CSMD2: variants seen among roughly 807,000 people sequenced by gnomAD.
The protein encoded by CSMD2 is CUB and sushi domain-containing protein 2.
A neutral mutation model predicts 398.5 loss-of-function variants in CSMD2; 130 were observed. The ratio of observed to expected loss-of-function variants is 0.33; its 90% CI spans 0.28 to 0.38. The LOEUF is 0.38. Ranked by LOEUF, CSMD2 falls within the 10% of genes least tolerant of loss-of-function variation. The probability of loss-of-function intolerance (pLI) is 1.00; values close to 1 mark genes in which losing one functional copy is unlikely to be tolerated. For synonymous variants in CSMD2, 1,828 were observed against 1,908.5 expected, an observed-to-expected ratio of 0.96 and a Z score of 1.10; for missense variants, 3,829 against 4,764.9, an observed-to-expected ratio of 0.80 and a Z score of 5.78.
chr1:33,961,711 T>C (rs1645366635), intron 3 of CSMD2, among the ~76,000 whole-genome samples: 3 of 152,140 alleles, frequency 2.0e-5, no homozygotes. Context: ...GTTCACGCAG[T>C]TGATCGTTTA....
intron 70 of CSMD2, among the ~76,000 whole-genome samples, chr1:33,516,905 GA>G (rs3043317): frequency 0.2 from 29,557 of 149,818 alleles, 3,042 homozygotes; most frequent in East Asian, 0.4. Flanking sequence ...AAAATCAGAT[GA>G]AAAAAAAAAA....
Position 33,622,274 on chromosome 1 carries a change from A to G in CSMD2, c.5723-3T>C. 1 of 1,611,034 alleles carries G rather than the reference A, an allele frequency of 6.2e-7. No individual in the cohort carries two copies. The highest frequency in any genetic ancestry group is 8.5e-7 in the Non-Finnish European group (1 of 1,177,252). ...CAGAAGGGCAGGCACGGTTGTTCCT[A>G]GGGCAAGGACACCAGGGAAAACCAT... On this transcript the variant is annotated splice_polypyrimidine_tract_variant and splice_region_variant and intron_variant, in intron 36 of 70. Transcript: ENST00000373381.
At chr1:33,789,597 G>T (rs1653982271) in intron 11 of CSMD2, among the ~76,000 whole-genome samples, 1 of 152,352 alleles carries the variant, frequency 6.6e-6, no homozygotes, top group South Asian at 2.1e-4. Flanking sequence ...GAGGCAGGGG[G>T]TTGTGGAGTG....
intron 5 of CSMD2, among the ~76,000 whole-genome samples, chr1:33,890,521 T>C (rs1641933067): frequency 6.6e-6 from 1 of 152,208 alleles, no homozygotes; most frequent in South Asian, 2.1e-4. Context: ...TGAGACACCG[T>C]GCCCTGCCTA....
At chr1:33,782,609 G>T (rs113008543) in intron 12 of CSMD2, among the ~76,000 whole-genome samples, 14 of 152,318 alleles carry the variant, frequency 9.2e-5, no homozygotes, top group African/African-American at 2.9e-4. Flanking sequence ...GCACTAGGAA[G>T]GTGGTAAAGT....
In CSMD2 at chr1:33,779,317, G is replaced by A. The variant is rs140241459; in HGVS notation, c.1664-6566C>T. ...AGAGCTCTGGGATCACAAAGTCCAG[G>A]ATCTAAATCCTGGCTCTGATACTAA... On this transcript the variant is annotated intron_variant, in intron 12 of 70. Transcript: ENST00000373381. Among the ~76,000 whole-genome samples the A allele has an allele frequency of 3.5e-4, 53 of 152,256 alleles. 1 individual carries two copies. In the East Asian group the frequency reaches 9.8e-3, roughly 28 times the overall value.
intron 22 of CSMD2, among the ~76,000 whole-genome samples, chr1:33,704,387 T>C (rs755004406): frequency 6.6e-6 from 1 of 152,216 alleles, no homozygotes; most frequent in Non-Finnish European, 1.5e-5. Context: ...ACTATTGATC[T>C]TGTTCTTGAC....
At chr1:33,680,655 G>C (rs1285413541) in intron 25 of CSMD2, among the ~76,000 whole-genome samples, 1 of 152,010 alleles carries the variant, frequency 6.6e-6, no homozygotes, top group Non-Finnish European at 1.5e-5. Flanking sequence ...CTGTAACCTT[G>C]ATCTGCTCCA....
At chr1:33,993,617 T>C (rs1646632785) in intron 3 of CSMD2, among the ~76,000 whole-genome samples, 2 of 152,196 alleles carry the variant, frequency 1.3e-5, no homozygotes, top group Admixed American at 6.5e-5. Context: ...CCAGCCACCA[T>C]CTTGCTTTGC....
chr1:33,655,283 AG>A (rs1643913672), intron 27 of CSMD2, among the ~76,000 whole-genome samples: 1 of 152,252 alleles, frequency 6.6e-6, no homozygotes, highest in East Asian at 1.9e-4. Context: ...AGTTTGGGCC[AG>A]CTGTCCACCC....
chr1:34,104,348 T>C (rs1425777499), intron 1 of CSMD2, among the ~76,000 whole-genome samples: 4 of 152,240 alleles, frequency 2.6e-5, no homozygotes, highest in Admixed American at 6.5e-5. Flanking sequence ...AATCATGTTG[T>C]CTACAAATAA....
chr1:33,717,722 G>T, intron 19 of CSMD2, among the ~76,000 whole-genome samples: 1 of 151,692 alleles, frequency 6.6e-6, no homozygotes, highest in Middle Eastern at 3.4e-3. Context: ...AGGGCTAGGA[G>T]AGAAGAGGGC....
At chr1:34,045,702 C>A (rs1469078378) in intron 2 of CSMD2, among the ~76,000 whole-genome samples, 1 of 152,176 alleles carries the variant, frequency 6.6e-6, no homozygotes, top group Non-Finnish European at 1.5e-5. Flanking sequence ...AGCAGACCCA[C>A]CTGCTGAGGT....
At chr1:33,733,787 C>T (rs1646796236) in intron 15 of CSMD2, among the ~76,000 whole-genome samples, 1 of 152,188 alleles carries the variant, frequency 6.6e-6, no homozygotes, top group Admixed American at 6.5e-5. Context: ...GTGTAAGTTT[C>T]CTGAGGCCTC....
At chr1:33,777,159 G>A (rs1652100844) in intron 12 of CSMD2, among the ~76,000 whole-genome samples, 1 of 152,152 alleles carries the variant, frequency 6.6e-6, no homozygotes, top group African/African-American at 2.4e-5. Context: ...ATTGGGTGTG[G>A]GGAAGTGAGC....
chr1:33,935,220 C>T (rs1401708518), intron 4 of CSMD2, among the ~76,000 whole-genome samples: 1 of 152,012 alleles, frequency 6.6e-6, no homozygotes, highest in Admixed American at 6.6e-5. Context: ...GTTGGTCAAC[C>T]TAGCTGGGAG....
At chr1:34,035,893 G>A (rs1360719993) in intron 2 of CSMD2, among the ~76,000 whole-genome samples, 1 of 152,080 alleles carries the variant, frequency 6.6e-6, no homozygotes. Context: ...CATATGCATG[G>A]CAAATAAGCA....
At chr1:33,980,888 T>A (rs570952456) in intron 3 of CSMD2, among the ~76,000 whole-genome samples, 3 of 152,288 alleles carry the variant, frequency 2.0e-5, no homozygotes, top group Admixed American at 1.3e-4. Context: ...GGTGGGGAAC[T>A]TCCAGAAGGA....
intron 14 of CSMD2, among the ~76,000 whole-genome samples, chr1:33,741,439 G>A (rs1647064036): frequency 6.6e-6 from 1 of 152,172 alleles, no homozygotes; most frequent in Non-Finnish European, 1.5e-5. Context: ...AGATTCTGGG[G>A]CCCCATCCCT....
Sources: gnomAD v4.1 joint callset for allele counts (sites outside exome capture counted in the v4.1 genomes callset) on GRCh38, gnomAD v4.1.1 for gene constraint, MANE v1.5 for transcripts, NCBI Gene and HGNC (gene_info 2026-07-23, HGNC 2026-07-21) for gene names.